Variants in SLCO1B1 observed in about 807,000 individuals in gnomAD.
SLCO1B1 encodes the protein solute carrier organic anion transporter family member 1B1, also known as OATP-2.
SLCO1B1 carries 81 observed loss-of-function variants against 70.1 expected under a neutral mutation model. The observed-to-expected ratio is 1.16, with a 90% CI of 0.97 to 1.39. The LOEUF is 1.39. SLCO1B1 is among the 40% of genes most tolerant of loss of function. The probability of loss-of-function intolerance (pLI) is 0.00; values close to 1 mark genes in which losing one functional copy is unlikely to be tolerated. For synonymous variants in SLCO1B1, 283 were observed against 271.5 expected (o/e 1.04, Z -0.42); for missense variants, 895 against 799.6 (o/e 1.12, Z -1.44).
At chr12:21,148,200 C>G (rs535476824) in intron 2 of SLCO1B1, among the ~76,000 whole-genome samples, 1 of 152,118 alleles carries the variant, frequency 6.6e-6, no homozygotes, top group African/African-American at 2.4e-5. Context: ...TATGCAGGAG[C>G]TTTTTAGTTT....
chr12:21,236,456 T>C (rs1941596407), intron 14 of SLCO1B1, among the ~76,000 whole-genome samples: 1 of 152,184 alleles, frequency 6.6e-6, no homozygotes, highest in Admixed American at 6.5e-5. Flanking sequence ...ATCTTTCCTT[T>C]AGATAGAAAG....
At chr12:21,137,472 G>A (rs1023847857) in intron 1 of SLCO1B1, among the ~76,000 whole-genome samples, 1 of 152,126 alleles carries the variant, frequency 6.6e-6, no homozygotes, top group African/African-American at 2.4e-5. Flanking sequence ...AGCTGTGGTG[G>A]GCTCCACCCA....
At chr12:21,229,136 T>A (rs1390086721) in intron 14 of SLCO1B1, among the ~76,000 whole-genome samples, 1 of 152,060 alleles carries the variant, frequency 6.6e-6, no homozygotes, top group Non-Finnish European at 1.5e-5. Context: ...TTACAGAGAT[T>A]TCCCACATAC....
intron 2 of SLCO1B1, among the ~76,000 whole-genome samples, chr12:21,156,445 GC>G: frequency 6.6e-6 from 1 of 152,046 alleles, no homozygotes; most frequent in Non-Finnish European, 1.5e-5. Context: ...TATACAATTT[GC>G]CTGAAATTAA....
intron 2 of SLCO1B1, among the ~76,000 whole-genome samples, chr12:21,146,022 G>A (rs1412458054): frequency 6.6e-6 from 1 of 152,000 alleles, no homozygotes; most frequent in Non-Finnish European, 1.5e-5. Context: ...GTAGAGAATT[G>A]ATATAAATTA....
At chr12:21,175,009 A>AT (rs1200508714) in intron 4 of SLCO1B1, among the ~76,000 whole-genome samples, 3 of 152,110 alleles carry the variant, frequency 2.0e-5, no homozygotes, top group African/African-American at 7.2e-5. Context: ...GATTTTGATT[A>AT]TTTTTTATAA....
chr12:21,205,230 TATA>T (rs1263193811), intron 10 of SLCO1B1, among the ~76,000 whole-genome samples: 92 of 152,094 alleles, frequency 6.0e-4, no homozygotes, highest in African/African-American at 2.1e-3. Context: ...TTAGCTATGT[TATA>T]ATCATATTTT....
At chr12:21,161,339 A>G (rs1940617004) in intron 2 of SLCO1B1, among the ~76,000 whole-genome samples, 3 of 152,194 alleles carry the variant, frequency 2.0e-5, no homozygotes, top group Non-Finnish European at 4.4e-5. Flanking sequence ...CCATAAAAGA[A>G]CAAGATCATG....
chr12:21,222,222 CACAGGAGAAGGTTTAATGTTGT>C, intron 12 of SLCO1B1, 56 bp from the exon 13 acceptor site: 1 of 640,138 alleles, frequency 1.6e-6, no homozygotes, highest in South Asian at 2.2e-5. Context: ...AGAAAAACAA[CACAGGAGAAGGTTTAATGTTGT>C]TTCGTTTTGA....
At chr12:21,188,522 G>T (rs990680959) in intron 7 of SLCO1B1, among the ~76,000 whole-genome samples, 1 of 152,014 alleles carries the variant, frequency 6.6e-6, no homozygotes, top group African/African-American at 2.4e-5. Flanking sequence ...CTGTGTTCCC[G>T]CCAAAGTCAT....
intron 9 of SLCO1B1, among the ~76,000 whole-genome samples, 188 bp downstream of exon 9, chr12:21,200,860 A>T (rs1451429722): frequency 6.6e-6 from 1 of 152,114 alleles, no homozygotes; most frequent in African/African-American, 2.4e-5. Flanking sequence ...TCTGCATTTG[A>T]AGTTGCATCT....
At chr12:21,156,940 GAGAA>G (rs1272313085) in intron 2 of SLCO1B1, among the ~76,000 whole-genome samples, 1 of 152,096 alleles carries the variant, frequency 6.6e-6, no homozygotes, top group African/African-American at 2.4e-5. Context: ...TATTAATAGA[GAGAA>G]AGAAGGATAA....
Position 21,202,618 on chromosome 12 carries a change from T to C in SLCO1B1, c.1263T>C (p.Phe421=). The C allele has an allele frequency of 6.2e-7, 1 of 1,612,978 alleles. No individual in the cohort carries two copies. The highest frequency in any genetic ancestry group is 1.1e-5 in the South Asian group (1 of 91,056). The change falls in exon 10 of 15, where the codon TTT becomes TTC. Residue 421 remains phenylalanine (F), a synonymous_variant. Transcript: ENST00000256958. ...TTACTGCTGTGATGTCATTGTCCTT[T>C]TACCTATTATATTTTTTCATACTCT... is the stretch of plus-strand genomic sequence containing the variant. ...SCFTAVMSLS[F]YLLYFFILCE...
chr12:21,155,056 CTTA>C (rs1204825608), intron 2 of SLCO1B1, among the ~76,000 whole-genome samples: 5 of 151,202 alleles, frequency 3.3e-5, no homozygotes, highest in Non-Finnish European at 5.9e-5. Context: ...TGTGTTCTTA[CTTA>C]TCTCTTGTGT....
intron 7 of SLCO1B1, among the ~76,000 whole-genome samples, 163 bp from the exon 8 acceptor site, chr12:21,196,783 A>G (rs1941096631): frequency 6.6e-6 from 1 of 152,166 alleles, no homozygotes; most frequent in African/African-American, 2.4e-5. Flanking sequence ...TATGTCATCA[A>G]ATGTTAGACT....
intron 7 of SLCO1B1, among the ~76,000 whole-genome samples, chr12:21,188,793 T>C (rs922988450): frequency 1.3e-5 from 2 of 152,180 alleles, no homozygotes; most frequent in African/African-American, 4.8e-5. Context: ...CCTTAATCAC[T>C]GGCAATAACC....
At chr12:21,174,505 C>T (rs371954730) in intron 3 of SLCO1B1, 72 bp from the exon 4 acceptor site, 2 of 1,459,112 alleles carry the variant, frequency 1.4e-6, no homozygotes, top group East Asian at 2.3e-5. Context: ...TATTTGCATC[C>T]ATTCTGGGGT....
chr12:21,180,801 A>G (rs1940886068), intron 7 of SLCO1B1, among the ~76,000 whole-genome samples: 1 of 152,242 alleles, frequency 6.6e-6, no homozygotes, highest in African/African-American at 2.4e-5. Context: ...CACGAAGAGT[A>G]CAGAAATACG....
chr12:21,135,699 C>T (rs1424457871), intron 1 of SLCO1B1, among the ~76,000 whole-genome samples: 1 of 152,158 alleles, frequency 6.6e-6, no homozygotes, highest in East Asian at 1.9e-4. Context: ...AGATCTTCCT[C>T]CATCCCTTTA....
Sources: allele counts gnomAD v4.1 joint callset (sites outside exome capture counted in the v4.1 genomes callset), GRCh38; gene constraint gnomAD v4.1.1; transcripts MANE v1.5; gene names NCBI Gene and HGNC (gene_info 2026-07-23, HGNC 2026-07-21).